Variants in CHRM3 observed in about 807,000 individuals in gnomAD.
CHRM3 encodes the protein muscarinic acetylcholine receptor M3.
A neutral mutation model predicts 41.8 loss-of-function variants in CHRM3; 11 were observed. The observed-to-expected ratio is 0.26, with a 90% confidence interval of 0.17 to 0.44. The LOEUF is 0.44. Ranked by LOEUF, CHRM3 falls within the 20% of genes least tolerant of loss-of-function variation. The probability of loss-of-function intolerance (pLI) is 1.00; values close to 1 mark genes in which losing one functional copy is unlikely to be tolerated. For missense variants in CHRM3, 571 were observed against 745.4 expected (o/e 0.77, Z 2.72); for synonymous variants, 297 against 301.4 (o/e 0.99, Z 0.15).
chr1:239,599,906 A>C (rs1221187000), intron 3 of CHRM3, among the ~76,000 whole-genome samples: 3 of 152,192 alleles, frequency 2.0e-5, no homozygotes, highest in Non-Finnish European at 2.9e-5. Context: ...CTAGTCAAAA[A>C]AATTGTGTTG....
chr1:239,763,453 C>T (rs1295392789), intron 5 of CHRM3, among the ~76,000 whole-genome samples: 1 of 151,956 alleles, frequency 6.6e-6, no homozygotes, highest in African/African-American at 2.4e-5. Context: ...TTGAGTAGTC[C>T]CAGAGAAAGG....
At chr1:239,570,103 T>G (rs1661697477) in intron 3 of CHRM3, among the ~76,000 whole-genome samples, 1 of 152,160 alleles carries the variant, frequency 6.6e-6, no homozygotes, top group African/African-American at 2.4e-5. Context: ...GTAATTCCCA[T>G]AATCCCTGTA....
chr1:239,507,487 T>G (rs1668651669), intron 2 of CHRM3, among the ~76,000 whole-genome samples: 1 of 152,230 alleles, frequency 6.6e-6, no homozygotes, highest in Non-Finnish European at 1.5e-5. Context: ...GTAAGTCCAA[T>G]AAACTTCTTT....
chr1:239,602,110 G>GTGTATATATATATATATATATA (rs1307023039), intron 3 of CHRM3, among the ~76,000 whole-genome samples: 1 of 112,862 alleles, frequency 8.9e-6, no homozygotes, highest in Non-Finnish European at 1.9e-5. Context: ...GTGTGTGTGT[G>GTGTATATATATATATATATATA]TATATATATA....
intron 5 of CHRM3, among the ~76,000 whole-genome samples, chr1:239,826,375 C>T (rs1044493685): frequency 6.6e-6 from 1 of 152,066 alleles, no homozygotes; most frequent in Non-Finnish European, 1.5e-5. Context: ...TAAATATGCT[C>T]GATAGGCATA....
chr1:239,604,771 A>C (rs930325450), intron 3 of CHRM3, among the ~76,000 whole-genome samples: 3 of 152,190 alleles, frequency 2.0e-5, no homozygotes, highest in South Asian at 2.1e-4. Context: ...CAGCCATTGC[A>C]GATAGTTTTC....
At chr1:239,446,691 G>A (rs2103291308) in intron 1 of CHRM3, among the ~76,000 whole-genome samples, 1 of 152,274 alleles carries the variant, frequency 6.6e-6, no homozygotes, top group Non-Finnish European at 1.5e-5. Context: ...ACTTGGCAAT[G>A]TGAAAGTCTA....
At chr1:239,888,833 T>A (rs1047590316) in intron 6 of CHRM3, among the ~76,000 whole-genome samples, 1 of 152,148 alleles carries the variant, frequency 6.6e-6, no homozygotes, top group Non-Finnish European at 1.5e-5. Flanking sequence ...TTCTATCATG[T>A]AAAACCCACT....
intron 5 of CHRM3, among the ~76,000 whole-genome samples, chr1:239,731,463 G>C (rs1663958168): frequency 6.6e-6 from 1 of 152,004 alleles, no homozygotes; most frequent in Admixed American, 6.6e-5. Context: ...TTGATGATCT[G>C]TTCATAACTG....
intron 3 of CHRM3, among the ~76,000 whole-genome samples, chr1:239,620,854 G>C (rs1364659496): frequency 6.6e-6 from 1 of 152,132 alleles, no homozygotes; most frequent in African/African-American, 2.4e-5. Flanking sequence ...ATATAGTACT[G>C]TTTCGTGAGA....
Position 239,909,828 on chromosome 1 carries a change from A to C in CHRM3, c.*604A>C, listed in dbSNP as rs1680257097. ...GTGCAGTTCAAGTTTCGTACAAATA[A>C]AAATACTTAAGTATATATATATGTG... On this transcript the variant is annotated 3_prime_UTR_variant, in exon 7 of 7. Transcript: ENST00000676153. The C allele has an allele frequency of 6.0e-6, 1 of 167,344 alleles. No homozygotes were observed. The highest frequency in any genetic ancestry group is 1.5e-5 in the Non-Finnish European group (1 of 68,368). The allele number at this position is 167,344 out of a possible 1,614,324, so 10.4% of individuals were successfully genotyped here.
chr1:239,677,626 G>A (rs75625883), intron 4 of CHRM3, among the ~76,000 whole-genome samples: 2,425 of 152,254 alleles, frequency 0.016, 32 homozygotes, highest in Non-Finnish European at 0.024. Flanking sequence ...AGAGGGAGAA[G>A]GGAGACACAG....
chr1:239,729,788 C>T (rs527552912), intron 5 of CHRM3, among the ~76,000 whole-genome samples: 3 of 151,410 alleles, frequency 2.0e-5, no homozygotes, highest in East Asian at 3.9e-4. Flanking sequence ...CAAAATACAA[C>T]AGGCTGTAAT....
chr1:239,621,932 T>C (rs1668414327), intron 3 of CHRM3, among the ~76,000 whole-genome samples: 1 of 152,100 alleles, frequency 6.6e-6, no homozygotes, highest in Non-Finnish European at 1.5e-5. Flanking sequence ...AGGCCTGGCT[T>C]TAAAGTTTCA....
rs1350295041 is a variant in CHRM3 at position 239,444,481 on chromosome 1, G to A, written c.-520-48228G>A. 2.0e-5 allele frequency among the ~76,000 whole-genome samples: 3 copies of A among 152,204 alleles called. No individual in the cohort carries two copies. In the East Asian group the frequency reaches 5.8e-4, roughly 29 times the overall value. ...AGGAAGCAATTAATTTGTGCTGGAG[G>A]GAATAAGAGAGACCATTTGAGGCCC... On this transcript the variant is annotated intron_variant, in intron 1 of 6. Coordinates refer to ENST00000676153, the MANE Select transcript of CHRM3 (RefSeq NM_001375978.1).
At chr1:239,593,690 A>G (rs935830543) in intron 3 of CHRM3, among the ~76,000 whole-genome samples, 2 of 152,162 alleles carry the variant, frequency 1.3e-5, no homozygotes, top group African/African-American at 4.8e-5. Context: ...GTTAAACAAA[A>G]TATCCACTGA....
chr1:239,586,019 G>C (rs1015047423), intron 3 of CHRM3, among the ~76,000 whole-genome samples: 1 of 152,118 alleles, frequency 6.6e-6, no homozygotes, highest in Non-Finnish European at 1.5e-5. Context: ...TGCAGATCTT[G>C]GTTTAAGGTA....
At chr1:239,503,379 G>C (rs913912296) in intron 2 of CHRM3, among the ~76,000 whole-genome samples, 6 of 151,976 alleles carry the variant, frequency 3.9e-5, no homozygotes, top group African/African-American at 1.5e-4. Context: ...CCTCTACAAG[G>C]AAAACTACAA....
At chr1:239,465,266 A>G (rs777806437) in intron 1 of CHRM3, among the ~76,000 whole-genome samples, 4 of 152,168 alleles carry the variant, frequency 2.6e-5, no homozygotes, top group Non-Finnish European at 5.9e-5. Context: ...TGAGGTAACA[A>G]GGAGAACTTT....
Sources: gnomAD v4.1 joint callset for allele counts (sites outside exome capture counted in the v4.1 genomes callset) on GRCh38, gnomAD v4.1.1 for gene constraint, MANE v1.5 for transcripts, NCBI Gene and HGNC (gene_info 2026-07-23, HGNC 2026-07-21) for gene names.